The following LNPEP variants were observed in gnomAD, a reference collection of about 807,000 sequenced individuals.
LNPEP encodes leucyl and cystinyl aminopeptidase.
In LNPEP, 64 loss-of-function variants were observed where a neutral mutation model predicts 120.6. That is an observed-to-expected ratio of 0.53 (90% CI 0.43 to 0.65). LNPEP has a LOEUF of 0.65. LNPEP is among the 30% of genes least tolerant of loss of function. The pLI is 0.00. For missense variants in LNPEP, 1,057 were observed against 1,200.0 expected (o/e 0.88, Z 1.76); for synonymous variants, 435 against 425.4 (o/e 1.02, Z -0.28).
intron 6 of LNPEP, among the ~76,000 whole-genome samples, chr5:96,995,331 G>A (rs968847810): frequency 1.3e-5 from 2 of 152,092 alleles, no homozygotes; most frequent in Non-Finnish European, 2.9e-5. Flanking sequence ...TCCTTTCGCT[G>A]CTGATTTGAG....
chr5:97,037,468 C>T lies in LNPEP; in HGVS notation c.*8935C>T, dbSNP rs1217777927. The T allele has an allele frequency of 6.6e-6, 1 of 152,148 alleles. No individual in the cohort carries two copies. The highest frequency in any genetic ancestry group is 1.5e-5 in the Non-Finnish European group (1 of 68,020). The allele number at this position is 152,148 out of a possible 1,614,324, so 9.4% of individuals were successfully genotyped here. Reference sequence around the variant, plus strand: ...TGAAAGGCATGTGTAGCTGCAAACACTGTTGCTTTTTTTGTGAAATGAAAA... The same window carrying T: ...TGAAAGGCATGTGTAGCTGCAAACATTGTTGCTTTTTTTGTGAAATGAAAA... On this transcript the variant is annotated 3_prime_UTR_variant, in exon 18 of 18. Transcript: ENST00000231368.
At chr5:97,006,303 T>C (rs1790780785) in intron 10 of LNPEP, 70 bp downstream of exon 10, 10 of 1,405,080 alleles carry the variant, frequency 7.1e-6, no homozygotes, top group Admixed American at 2.1e-5. Flanking sequence ...AAGTGTTTTA[T>C]AATCATAAGT....
At chr5:96,939,714 A>C (rs1789008799) in intron 1 of LNPEP, among the ~76,000 whole-genome samples, 1 of 152,022 alleles carries the variant, frequency 6.6e-6, no homozygotes, top group Non-Finnish European at 1.5e-5. Flanking sequence ...TTTTGCTTTC[A>C]TGTTCAGATT....
At chr5:96,986,156 C>A (rs1790238408) in intron 3 of LNPEP, among the ~76,000 whole-genome samples, 1 of 152,174 alleles carries the variant, frequency 6.6e-6, no homozygotes, top group Non-Finnish European at 1.5e-5. Flanking sequence ...AGGGATGTCG[C>A]AGCTAGAGCT....
intron 8 of LNPEP, among the ~76,000 whole-genome samples, chr5:96,999,861 G>A (rs1790603613): frequency 6.6e-6 from 1 of 151,640 alleles, no homozygotes; most frequent in South Asian, 2.1e-4. Flanking sequence ...TCAGTATTGT[G>A]TGCAAGAAGG....
intron 11 of LNPEP, chr5:97,010,731 CTGAAAAT>C (rs1790905970): frequency 6.1e-6 from 6 of 985,036 alleles, no homozygotes; most frequent in Admixed American, 1.2e-4. Flanking sequence ...ACTCAATAGA[CTGAAAAT>C]TGAAGTGTTA....
At position 96,946,768 on chromosome 5, in the gene LNPEP, A is replaced by G. The variant is rs73152150; in HGVS notation, c.19+10594A>G. Among the ~76,000 whole-genome samples, 1,377 of 152,300 alleles carry G rather than the reference A, an allele frequency of 9.0e-3. 18 individuals are homozygous for G. The highest frequency in any genetic ancestry group is 0.031 in the African/African-American group (1,309 of 41,558). On this transcript the variant is annotated intron_variant, in intron 1 of 17. Transcript: ENST00000231368. ...GTATACCTGGTGTTTTATCAATCCA[A>G]TGAGTCACATGGAAAAGTATTACAA...
chr5:97,025,133 G>A (rs893967507), intron 15 of LNPEP, among the ~76,000 whole-genome samples: 1 of 152,138 alleles, frequency 6.6e-6, no homozygotes, highest in Non-Finnish European at 1.5e-5. Context: ...AGTGATGAAG[G>A]CCCAGAAGTA....
intron 1 of LNPEP, among the ~76,000 whole-genome samples, chr5:96,973,396 A>G (rs73135420): frequency 0.04 from 6,160 of 152,172 alleles, 404 homozygotes; most frequent in African/African-American, 0.14. Flanking sequence ...TAGTTACTTT[A>G]TATGATACTT....
rs544687481 is a variant in LNPEP, at chr5:96,988,073, C to A, written c.1131+1403C>A. Among the ~76,000 whole-genome samples the A allele has an allele frequency of 2.3e-4, 34 of 151,012 alleles. No individual in the cohort carries two copies. The South Asian group carries it at 3.6e-3, about 16-fold the overall frequency. ...TTCTTAATACTCATTGGTATAAAAC[C>A]CCCAGCACTTTTTATGTATCCCAAA... On this transcript the variant is annotated intron_variant, in intron 4 of 17. Coordinates refer to ENST00000231368, the MANE Select transcript of LNPEP (RefSeq NM_005575.3).
intron 4 of LNPEP, among the ~76,000 whole-genome samples, chr5:96,989,341 ATATAATATATTATATAT>A (rs1790326748): frequency 4.5e-5 from 1 of 22,376 alleles, no homozygotes; most frequent in South Asian, 1.5e-3. Context: ...TATATATAAT[ATATAATATATTATATAT>A]TATATATAAT....
intron 4 of LNPEP, among the ~76,000 whole-genome samples, chr5:96,990,106 A>G (rs186136057): frequency 6.6e-6 from 1 of 152,308 alleles, no homozygotes; most frequent in Admixed American, 6.5e-5. Flanking sequence ...GTCTGGAAAG[A>G]ATAGGTACAG....
intron 8 of LNPEP, among the ~76,000 whole-genome samples, chr5:97,001,143 T>TG (rs2112638786): frequency 6.6e-6 from 1 of 152,276 alleles, no homozygotes; most frequent in East Asian, 1.9e-4. Context: ...CAACAGTACA[T>TG]GGAGTAAAGA....
rs199535954 is a variant in LNPEP at position 97,027,739 on chromosome 5, T to C, written c.2871T>C (p.Pro957=). 16 of 1,596,150 alleles carry C rather than the reference T, an allele frequency of 1.0e-5. No homozygotes were observed. In the East Asian group the frequency reaches 3.6e-4, roughly 36 times the overall value. ...TGTTTTTGTGTTTCTTCAGGTTCCC[T>C]CTGGGGTCCTATACCATACAAAATA... The part of the protein sequence containing the change: ...ENWNKLVQKF[P]LGSYTIQNIV... The change falls in exon 17 of 18, where the codon CCT becomes CCC. Residue 957 remains proline, a synonymous_variant. Transcript: ENST00000231368.
chr5:97,015,409 G>A (rs1791044247), intron 13 of LNPEP, among the ~76,000 whole-genome samples: 1 of 151,970 alleles, frequency 6.6e-6, no homozygotes, highest in East Asian at 1.9e-4. Flanking sequence ...TTTGAAATAG[G>A]CCCTTTTGCA....
At chr5:96,997,447 C>T (rs186972868) in intron 7 of LNPEP, among the ~76,000 whole-genome samples, 76 of 152,152 alleles carry the variant, frequency 5.0e-4, no homozygotes, top group East Asian at 4.4e-3. Flanking sequence ...ACAGTTTGAC[C>T]ACTTGGTGGT....
chr5:97,010,216 T>C lies in LNPEP; in HGVS notation c.2036-3432T>C, dbSNP rs923031495. 1.1e-5 allele frequency: 10 copies of C among 904,188 alleles called. No homozygotes were observed. The African/African-American group carries it at 1.6e-4, about 15-fold the overall frequency. The allele number at this position is 904,188 out of a possible 1,614,324, so 56.0% of individuals were successfully genotyped here. ...CCTCCCTCTCTCTCTCTCTTTCTTA[T>C]CCACATTTTACTCAGACCTAAGATC... On this transcript the variant is annotated intron_variant, in intron 11 of 17. Coordinates refer to ENST00000231368, the MANE Select transcript of LNPEP (RefSeq NM_005575.3).
rs116388175 is a variant in LNPEP, at chr5:97,018,600, C to A, written c.2376+3505C>A. On this transcript the variant is annotated intron_variant, in intron 13 of 17. Transcript: ENST00000231368. Reference sequence around the variant, plus strand: ...AGGGAGAATGTGTCACTTTAACATTCTTATTCTAATATTAGGGTGAAAATT... The same window carrying A: ...AGGGAGAATGTGTCACTTTAACATTATTATTCTAATATTAGGGTGAAAATT... Among the ~76,000 whole-genome samples the A allele has an allele frequency of 6.9e-3, 1,043 of 152,142 alleles. 5 individuals are homozygous for A. Among genetic ancestry groups the A allele is most frequent in the African/African-American group, 0.024 (1,014 of 41,514 alleles).
chr5:97,021,034 G>A (rs773735848), intron 13 of LNPEP, among the ~76,000 whole-genome samples: 6 of 152,148 alleles, frequency 3.9e-5, no homozygotes, highest in East Asian at 3.9e-4. Context: ...CCTTAATACC[G>A]CAAGTATACG....
Sources: allele counts gnomAD v4.1 joint callset (sites outside exome capture counted in the v4.1 genomes callset), GRCh38; gene constraint gnomAD v4.1.1; transcripts MANE v1.5; gene names NCBI Gene and HGNC (gene_info 2026-07-23, HGNC 2026-07-21).